IGFL2: variants seen among roughly 807,000 people sequenced by gnomAD.
The protein encoded by IGFL2 is IGF like family member 2.
In IGFL2, 7 loss-of-function variants were observed where a neutral mutation model predicts 13.9. The ratio of observed to expected loss-of-function variants is 0.51; its 90% confidence interval spans 0.29 to 0.95. The LOEUF is 0.95. IGFL2 is among the 40% of genes least tolerant of loss of function. The probability of loss-of-function intolerance (pLI) is 0.08; values close to 1 mark genes in which losing one functional copy is unlikely to be tolerated. For missense variants in IGFL2, 138 were observed against 147.8 expected, an observed-to-expected ratio of 0.93 and a Z score of 0.34; for synonymous variants, 55 against 55.8, an observed-to-expected ratio of 0.99 and a Z score of 0.07.
At chr19:46,148,387 T>C in intron 1 of IGFL2, 90 bp downstream of exon 1, 1 of 1,181,062 alleles carries the variant, frequency 8.5e-7, no homozygotes, top group Non-Finnish European at 1.2e-6. Context: ...TCTTCCCTAT[T>C]TAATTCTTGG....
the IGFL2 span, among the ~76,000 whole-genome samples, chr19:46,135,919 C>T: frequency 1.3e-5 from 2 of 152,224 alleles, no homozygotes; most frequent in South Asian, 2.1e-4. Flanking sequence ...TACAGGCCCT[C>T]AGTCTTTTCT....
At chr19:46,090,846 TG>T in the IGFL2 span, among the ~76,000 whole-genome samples, 2,046 of 152,272 alleles carry the variant, frequency 0.013, 32 homozygotes, top group Middle Eastern at 0.027. Flanking sequence ...GGTACTGATA[TG>T]GGTTGAGCGG....
chr19:46,083,756 G>A, the IGFL2 span, among the ~76,000 whole-genome samples: 1 of 152,184 alleles, frequency 6.6e-6, no homozygotes, highest in African/African-American at 2.4e-5. Flanking sequence ...AGAAAGTTGA[G>A]AGGAGAGTAA....
At chr19:46,151,587 A>G (rs993800513) in intron 1 of IGFL2, among the ~76,000 whole-genome samples, 4 of 152,110 alleles carry the variant, frequency 2.6e-5, no homozygotes, top group African/African-American at 9.7e-5. Flanking sequence ...TTTATGTTTC[A>G]ATATGAGTTT....
the IGFL2 span, chr19:46,124,252 C>A: frequency 6.2e-7 from 1 of 1,609,884 alleles, no homozygotes. Context: ...CTCATTTTTC[C>A]CTGTCCTGTC....
At chr19:46,177,328 G>C in the IGFL2 span, among the ~76,000 whole-genome samples, 1 of 152,168 alleles carries the variant, frequency 6.6e-6, no homozygotes, top group Admixed American at 6.5e-5. Flanking sequence ...GGGAGGCAGA[G>C]GTTGTAGTGA....
chr19:46,137,367 G>T, the IGFL2 span: 1 of 1,118,398 alleles, frequency 8.9e-7, no homozygotes, highest in Non-Finnish European at 1.4e-6. Flanking sequence ...TTACAGACCT[G>T]TAGTGTAGAC....
the IGFL2 span, among the ~76,000 whole-genome samples, chr19:46,182,466 T>C: frequency 6.6e-6 from 1 of 152,110 alleles, no homozygotes; most frequent in East Asian, 1.9e-4. Context: ...ACTGTTTATA[T>C]TGAGATCTTA....
At chr19:46,146,894 T>C (rs551172381), upstream of IGFL2, among the ~76,000 whole-genome samples, 127 of 152,292 alleles carry the variant, frequency 8.3e-4, 2 homozygotes, top group Middle Eastern at 0.017. Context: ...CCCTCCCACC[T>C]ATCTCACTGT....
chr19:46,135,598 G>A, the IGFL2 span, among the ~76,000 whole-genome samples: 4 of 152,220 alleles, frequency 2.6e-5, no homozygotes, highest in African/African-American at 9.7e-5. Flanking sequence ...AGTGAGGGAG[G>A]TAGGACCTCA....
chr19:46,147,708 A>C (rs1035922817), upstream of IGFL2: 2 of 152,258 alleles, frequency 1.3e-5, no homozygotes, highest in African/African-American at 2.4e-5. Context: ...GTGCCTGCCT[A>C]CCAGACATTC....
upstream of IGFL2, among the ~76,000 whole-genome samples, chr19:46,145,872 A>G (rs971922902): frequency 6.6e-6 from 1 of 152,110 alleles, no homozygotes; most frequent in Non-Finnish European, 1.5e-5. Flanking sequence ...AGTTTTTCAT[A>G]TACTCTGGAT....
the IGFL2 span, chr19:46,136,888 T>C: frequency 1.3e-6 from 1 of 785,234 alleles, no homozygotes; most frequent in Non-Finnish European, 2.3e-6. Flanking sequence ...TGTGTATTGG[T>C]ACTTGGTCTA....
intron 1 of IGFL2, 150 bp downstream of exon 1, chr19:46,148,447 T>C: frequency 1.3e-6 from 1 of 746,280 alleles, no homozygotes; most frequent in Non-Finnish European, 2.3e-6. Context: ...TTGCAATCTC[T>C]CTTCCCCACC....
chr19:46,123,804 A>C, the IGFL2 span: 4 of 1,440,784 alleles, frequency 2.8e-6, 1 homozygote, highest in East Asian at 4.7e-5. Flanking sequence ...AGAACTCCAC[A>C]AACAGGAGTT....
chr19:46,159,091 A>C (rs868304287), intron 1 of IGFL2: 1 of 152,188 alleles, frequency 6.6e-6, no homozygotes, highest in African/African-American at 2.4e-5. Flanking sequence ...TTGGATCCTC[A>C]CAACAACTCC....
the IGFL2 span, among the ~76,000 whole-genome samples, chr19:46,188,610 G>A: frequency 6.6e-6 from 1 of 152,148 alleles, no homozygotes; most frequent in Non-Finnish European, 1.5e-5. Flanking sequence ...AGTGTTCCCC[G>A]TGGGTTCTGT....
intron 1 of IGFL2, among the ~76,000 whole-genome samples, chr19:46,156,196 A>AT (rs1464872493): frequency 4.6e-5 from 7 of 152,206 alleles, no homozygotes; most frequent in Non-Finnish European, 1.0e-4. Flanking sequence ...TTTGCATTGA[A>AT]TTTATCGATC....
the IGFL2 span, among the ~76,000 whole-genome samples, chr19:46,125,972 A>C: frequency 6.6e-6 from 1 of 152,236 alleles, no homozygotes; most frequent in Non-Finnish European, 1.5e-5. Context: ...TTCATCTTAC[A>C]GAAGTGGCAA....
Sources: allele counts gnomAD v4.1 joint callset (sites outside exome capture counted in the v4.1 genomes callset), GRCh38; gene constraint gnomAD v4.1.1; transcripts MANE v1.5; gene names NCBI Gene and HGNC (gene_info 2026-07-23, HGNC 2026-07-21).